The following RBPJ variants were observed in gnomAD, a reference collection of about 807,000 sequenced individuals.
RBPJ encodes the protein recombination signal binding protein for immunoglobulin kappa J region.
Under a neutral mutation model 67.8 loss-of-function variants are expected in RBPJ, and 9 were observed. That is an observed-to-expected ratio of 0.13 (90% CI 0.08 to 0.23). RBPJ has a LOEUF of 0.23. Ranked by LOEUF, RBPJ falls within the 10% of genes least tolerant of loss-of-function variation. The pLI is 1.00. For missense variants in RBPJ, 305 were observed against 595.6 expected (o/e 0.51, Z 5.08); for synonymous variants, 198 against 203.3 (o/e 0.97, Z 0.22).
intron 1 of RBPJ, among the ~76,000 whole-genome samples, chr4:26,381,417 C>G (rs1392915870): frequency 6.6e-6 from 1 of 151,836 alleles, no homozygotes; most frequent in East Asian, 1.9e-4. Context: ...CCATGTTTAA[C>G]GATAGATTGC....
intron 1 of RBPJ, among the ~76,000 whole-genome samples, chr4:26,366,404 G>A (rs1206831372): frequency 6.6e-6 from 1 of 151,880 alleles, no homozygotes; most frequent in Admixed American, 6.6e-5. Context: ...GTTTGCCCTG[G>A]TAAATATATA....
chr4:26,144,525 C>T, the RBPJ span, among the ~76,000 whole-genome samples: 1 of 152,134 alleles, frequency 6.6e-6, no homozygotes, highest in African/African-American at 2.4e-5. Flanking sequence ...CCACCTCAGC[C>T]TCCCAAACTG....
intron 1 of RBPJ, among the ~76,000 whole-genome samples, chr4:26,245,469 A>C (rs1719898277): frequency 6.6e-6 from 1 of 152,134 alleles, no homozygotes; most frequent in African/African-American, 2.4e-5. Flanking sequence ...AGACTCCCAA[A>C]GTGCTGGGAT....
intron 1 of RBPJ, among the ~76,000 whole-genome samples, chr4:26,192,657 T>A (rs1444143152): frequency 6.6e-6 from 1 of 152,166 alleles, no homozygotes; most frequent in East Asian, 1.9e-4. Flanking sequence ...CAGAGACCAG[T>A]GGGCTGGCAG....
chr4:26,150,015 C>T, the RBPJ span, among the ~76,000 whole-genome samples: 2 of 152,312 alleles, frequency 1.3e-5, no homozygotes, highest in South Asian at 2.1e-4. Context: ...CATTCTTGAA[C>T]CATACCTCTG....
chr4:26,109,729 CTA>C, the RBPJ span, among the ~76,000 whole-genome samples: 16,452 of 65,608 alleles, frequency 0.25, 3,057 homozygotes, highest in Non-Finnish European at 0.29. Context: ...CTCTCTCTCT[CTA>C]TATATATATA....
At chr4:26,142,891 C>T in the RBPJ span, among the ~76,000 whole-genome samples, 1 of 152,212 alleles carries the variant, frequency 6.6e-6, no homozygotes, top group Non-Finnish European at 1.5e-5. Context: ...AAGGGATTCT[C>T]CTGCCTCAGC....
chr4:26,321,827 C>T (rs1723109959), intron 1 of RBPJ: 1 of 152,316 alleles, frequency 6.6e-6, no homozygotes, highest in South Asian at 2.1e-4. Context: ...TGTCTCAGCC[C>T]CGGGGACTCC....
intron 1 of RBPJ, among the ~76,000 whole-genome samples, chr4:26,244,359 GTATGCACA>G (rs1719823413): frequency 7.6e-6 from 1 of 132,352 alleles, no homozygotes; most frequent in African/African-American, 2.8e-5. Context: ...GTATATATAT[GTATGCACA>G]TATGTGTACA....
chr4:26,253,307 C>CTTTTTTTTTTT (rs1182769419), intron 1 of RBPJ, among the ~76,000 whole-genome samples: 1 of 114,398 alleles, frequency 8.7e-6, no homozygotes, highest in African/African-American at 3.3e-5. Context: ...TCTGCTATTT[C>CTTTTTTTTTTT]TTTTTTTTTT....
At chr4:26,160,063 C>T (rs373267090), upstream of RBPJ, among the ~76,000 whole-genome samples, 12 of 152,190 alleles carry the variant, frequency 7.9e-5, no homozygotes, top group Admixed American at 2.0e-4. Flanking sequence ...GGACTACAGG[C>T]GCCCGCCACC....
At chr4:26,390,157 A>G (rs1303335789) in intron 2 of RBPJ, among the ~76,000 whole-genome samples, 2 of 152,236 alleles carry the variant, frequency 1.3e-5, no homozygotes, top group African/African-American at 4.8e-5. Context: ...TAATAGAACA[A>G]AAAAGGAAAA....
At chr4:26,287,580 ACAGGAGAGGAGAGGGGAGGG>A (rs1428077042) in intron 1 of RBPJ, among the ~76,000 whole-genome samples, 328 of 20,040 alleles carry the variant, frequency 0.016, 84 homozygotes, top group African/African-American at 0.049. Flanking sequence ...AAAGGAAAGG[ACAGGAGAGGAGAGGGGAGGG>A]GAGGGGAGGG....
intron 1 of RBPJ, among the ~76,000 whole-genome samples, chr4:26,209,927 C>A (rs1389401720): frequency 6.6e-6 from 1 of 151,184 alleles, no homozygotes; most frequent in East Asian, 2.0e-4. Flanking sequence ...CCATTCATAT[C>A]ATTTTCATTT....
chr4:26,362,394 G>A, intron 1 of RBPJ: 1 of 1,121,552 alleles, frequency 8.9e-7, no homozygotes, highest in Admixed American at 3.4e-5. Context: ...CAGTGCACTA[G>A]CAGTTTAACA....
chr4:26,143,431 T>G, the RBPJ span, among the ~76,000 whole-genome samples: 1 of 152,196 alleles, frequency 6.6e-6, no homozygotes, highest in Non-Finnish European at 1.5e-5. Context: ...CAGGGCCCTG[T>G]GTTACTTGTA....
At position 26,406,415 on chromosome 4, in the gene RBPJ, AG is replaced by A; in HGVS notation, c.155+149del. 3 of 607,396 alleles carry A rather than the reference AG, an allele frequency of 4.9e-6. No homozygotes were observed. The East Asian group carries it at 8.3e-5, about 17-fold the overall frequency. The allele number at this position is 607,396 out of a possible 1,614,324, so 37.6% of individuals were successfully genotyped here. A position where few individuals can be genotyped will look rare whatever the true frequency, so the allele number is the denominator to read the frequency against. ...AAAAAATAGGGGATTTGTCTCCTGA[AG>A]GGGAGAAACAAAGTGAATTGTGGTA... is the stretch of plus-strand genomic sequence containing the variant. On this transcript the variant is annotated intron_variant, in intron 3 of 10. Transcript: ENST00000355476.
chr4:26,385,732 G>A (rs918268318), intron 1 of RBPJ, among the ~76,000 whole-genome samples: 1 of 151,286 alleles, frequency 6.6e-6, no homozygotes, highest in African/African-American at 2.4e-5. Flanking sequence ...TTAAAATGAA[G>A]CCTATGTATA....
chr4:26,253,262 C>A (rs1720171594), intron 1 of RBPJ, among the ~76,000 whole-genome samples: 1 of 150,408 alleles, frequency 6.6e-6, no homozygotes, highest in Admixed American at 6.6e-5. Context: ...AATTAAAACT[C>A]TTAAACTTTA....
Sources: gnomAD v4.1 joint callset for allele counts (sites outside exome capture counted in the v4.1 genomes callset) on GRCh38, gnomAD v4.1.1 for gene constraint, MANE v1.5 for transcripts, NCBI Gene and HGNC (gene_info 2026-07-23, HGNC 2026-07-21) for gene names.